The following EYS variants were observed in gnomAD, a reference collection of about 807,000 sequenced individuals.
EYS encodes the protein protein eyes shut homolog.
Under a neutral mutation model 282.1 loss-of-function variants are expected in EYS, and 250 were observed. That is an observed-to-expected ratio of 0.89 (90% CI 0.80 to 0.98). EYS has a LOEUF of 0.98. Among genes scored for constraint, EYS ranks in the 50% least tolerant of loss-of-function variants. EYS has a pLI of 0.00. For synonymous variants in EYS, 1,355 were observed against 1,282.9 expected (o/e 1.06, Z -1.20); for missense variants, 4,016 against 3,709.0 (o/e 1.08, Z -2.15).
At chr6:65,008,511 T>A (rs796806340) in intron 13 of EYS, among the ~76,000 whole-genome samples, 25 of 152,256 alleles carry the variant, frequency 1.6e-4, no homozygotes, top group African/African-American at 5.8e-4. Context: ...CAAGCGGACT[T>A]CGGAGGCTCT....
intron 31 of EYS, among the ~76,000 whole-genome samples, chr6:64,136,038 C>G (rs983109512): frequency 8.6e-5 from 13 of 151,902 alleles, no homozygotes; most frequent in Non-Finnish European, 1.9e-4. Flanking sequence ...ACAGTCCTCT[C>G]AAACCTTGCC....
intron 5 of EYS, among the ~76,000 whole-genome samples, chr6:65,476,874 C>T (rs1215445231): frequency 2.0e-5 from 3 of 152,086 alleles, no homozygotes; most frequent in African/African-American, 7.2e-5. Context: ...AGTAGCCAGC[C>T]TAAAATTGCT....
chr6:65,267,519 A>G (rs1294379366), intron 12 of EYS, among the ~76,000 whole-genome samples: 2 of 152,038 alleles, frequency 1.3e-5, no homozygotes, highest in Admixed American at 1.3e-4. Flanking sequence ...CCTAGATCTG[A>G]TGAATCATAA....
At chr6:65,177,552 T>A (rs1045410601) in intron 12 of EYS, among the ~76,000 whole-genome samples, 9 of 151,828 alleles carry the variant, frequency 5.9e-5, no homozygotes, top group Non-Finnish European at 8.8e-5. Context: ...GTATCTGTCT[T>A]TTTTTAGCAA....
intron 11 of EYS, among the ~76,000 whole-genome samples, chr6:65,298,191 T>C (rs558161287): frequency 3.9e-5 from 6 of 152,150 alleles, no homozygotes; most frequent in East Asian, 1.9e-4. Context: ...CTAAATTATA[T>C]ATGGGAAGCT....
At chr6:64,359,813 A>G (rs888477070) in intron 29 of EYS, among the ~76,000 whole-genome samples, 1 of 151,644 alleles carries the variant, frequency 6.6e-6, no homozygotes, top group Admixed American at 6.6e-5. Context: ...AACATTGGTC[A>G]CTTCCCCATT....
intron 28 of EYS, among the ~76,000 whole-genome samples, chr6:64,403,929 C>A (rs75774895): frequency 6.6e-6 from 1 of 151,974 alleles, no homozygotes; most frequent in Non-Finnish European, 1.5e-5. Flanking sequence ...GTTTTTTGTT[C>A]GTGAATCCAA....
At chr6:64,260,047 T>C (rs1245439693) in intron 30 of EYS, among the ~76,000 whole-genome samples, 38 of 152,098 alleles carry the variant, frequency 2.5e-4, no homozygotes. Flanking sequence ...CTCTTAGCGT[T>C]AAGTATGTAA....
chr6:64,635,064 T>A (rs944022213), intron 22 of EYS, among the ~76,000 whole-genome samples: 24 of 151,892 alleles, frequency 1.6e-4, no homozygotes, highest in Non-Finnish European at 2.8e-4. Context: ...GATTCCTAGG[T>A]ATTTTATTCT....
chr6:65,490,325 G>A (rs969527150), intron 5 of EYS: 9 of 271,402 alleles, frequency 3.3e-5, no homozygotes, highest in Non-Finnish European at 6.3e-5. Flanking sequence ...ATAAATGCAA[G>A]TCTGAAGAAA....
intron 12 of EYS, among the ~76,000 whole-genome samples, chr6:65,072,806 T>C (rs1360594338): frequency 2.0e-5 from 3 of 151,256 alleles, no homozygotes; most frequent in Non-Finnish European, 1.5e-5. Context: ...CGTAAGATAA[T>C]TATTTGAAAA....
chr6:65,461,118 T>C (rs1201959236), intron 5 of EYS, among the ~76,000 whole-genome samples: 6 of 152,142 alleles, frequency 3.9e-5, no homozygotes, highest in Admixed American at 3.9e-4. Flanking sequence ...CCATATATAG[T>C]TGTACTTTCT....
chr6:64,762,804 A>G (rs1773203979), intron 22 of EYS, among the ~76,000 whole-genome samples: 2 of 152,178 alleles, frequency 1.3e-5, no homozygotes, highest in African/African-American at 4.8e-5. Flanking sequence ...TTTATACACC[A>G]CTATGTTATT....
intron 35 of EYS, among the ~76,000 whole-genome samples, chr6:63,907,727 A>G (rs1160168212): frequency 1.3e-5 from 2 of 151,864 alleles, no homozygotes; most frequent in Non-Finnish European, 2.9e-5. Context: ...CAAATAATGT[A>G]TGTTGTTCCC....
At chr6:64,331,930 G>A (rs1299911507) in intron 29 of EYS, among the ~76,000 whole-genome samples, 2 of 152,162 alleles carry the variant, frequency 1.3e-5, no homozygotes, top group African/African-American at 4.8e-5. Context: ...GAAAGCTCAG[G>A]AAGTAACCAA....
At chr6:64,960,810 C>T (rs1280027183) in intron 14 of EYS, among the ~76,000 whole-genome samples, 1 of 152,130 alleles carries the variant, frequency 6.6e-6, no homozygotes, top group African/African-American at 2.4e-5. Context: ...CTACTGCCAC[C>T]CACCACCCTC....
chr6:65,670,101 G>A (rs1768345047), intron 1 of EYS, among the ~76,000 whole-genome samples: 1 of 151,930 alleles, frequency 6.6e-6, no homozygotes. Flanking sequence ...GCACCTTTCT[G>A]TTTCTCCTTT....
At chr6:65,305,035 G>C (rs376886182) in intron 11 of EYS, 5,655 of 130,718 alleles carry the variant, frequency 0.043, 120 homozygotes, top group South Asian at 0.08. Context: ...ATTTACCTGA[G>C]ATGATCATTT....
At chr6:64,725,914 G>A (rs766169655) in intron 22 of EYS, among the ~76,000 whole-genome samples, 1 of 152,012 alleles carries the variant, frequency 6.6e-6, no homozygotes, top group Non-Finnish European at 1.5e-5. Context: ...ATACATTTAG[G>A]TGGCCTTCTA....
Sources: gnomAD v4.1 joint callset for allele counts (sites outside exome capture counted in the v4.1 genomes callset) on GRCh38, gnomAD v4.1.1 for gene constraint, MANE v1.5 for transcripts, NCBI Gene and HGNC (gene_info 2026-07-23, HGNC 2026-07-21) for gene names.